Variants in STAU2 observed in about 807,000 individuals in gnomAD.
STAU2 encodes double-stranded RNA-binding protein Staufen homolog 2.
STAU2 carries 20 observed loss-of-function variants against 65.9 expected under a neutral mutation model. The observed-to-expected ratio is 0.30, with a 90% CI of 0.21 to 0.44. STAU2 has a LOEUF of 0.44. Among genes scored for constraint, STAU2 ranks in the 20% least tolerant of loss-of-function variants. The pLI, the probability that STAU2 is intolerant of heterozygous loss-of-function variation, is 1.00. For missense variants in STAU2, 558 were observed against 683.9 expected, an observed-to-expected ratio of 0.82 and a Z score of 2.05; for synonymous variants, 232 against 233.9, an observed-to-expected ratio of 0.99 and a Z score of 0.07.
At chr8:73,507,636 C>G (rs969778486) in intron 13 of STAU2, among the ~76,000 whole-genome samples, 1 of 152,134 alleles carries the variant, frequency 6.6e-6, no homozygotes, top group African/African-American at 2.4e-5. Context: ...GTGCCTTCAC[C>G]GCTAATGAGA....
intron 13 of STAU2, among the ~76,000 whole-genome samples, chr8:73,428,112 G>C (rs1282208979): frequency 1.3e-5 from 2 of 152,106 alleles, no homozygotes; most frequent in East Asian, 3.9e-4. Context: ...TGTACCCTTT[G>C]ACTATCATTT....
chr8:73,542,119 G>C (rs13280757), intron 13 of STAU2, among the ~76,000 whole-genome samples: 1 of 151,878 alleles, frequency 6.6e-6, no homozygotes, highest in Non-Finnish European at 1.5e-5. Flanking sequence ...TCCCAAACTA[G>C]ATTAAAAACA....
chr8:73,518,961 A>G lies in STAU2; in HGVS notation c.1530+33051T>C, dbSNP rs1822892222. Among the ~76,000 whole-genome samples the G allele has an allele frequency of 2.6e-5, 4 of 152,344 alleles. No individual in the cohort carries two copies. In the South Asian group the frequency reaches 8.3e-4, roughly 32 times the overall value. ...TAAAAAAATCAACAAATACGAAAGCACTTTACCAAAGCAAACATTAAAGTT... is the reference window on the plus strand; with the variant it reads ...TAAAAAAATCAACAAATACGAAAGCGCTTTACCAAAGCAAACATTAAAGTT... On this transcript the variant is annotated intron_variant, in intron 13 of 14. Transcript: ENST00000524300.
chr8:73,711,224 G>A (rs78461012), intron 3 of STAU2, among the ~76,000 whole-genome samples: 1,842 of 150,498 alleles, frequency 0.012, 21 homozygotes, highest in Non-Finnish European at 0.016. Context: ...GAGAAAACCT[G>A]CATTTTACCT....
intron 6 of STAU2, among the ~76,000 whole-genome samples, chr8:73,659,931 A>C (rs1044099503): frequency 6.6e-6 from 1 of 152,190 alleles, no homozygotes; most frequent in African/African-American, 2.4e-5. Context: ...AACTTACGGT[A>C]ATTATCTTTT....
chr8:73,507,520 C>A (rs998300263), intron 13 of STAU2, among the ~76,000 whole-genome samples: 5 of 152,156 alleles, frequency 3.3e-5, no homozygotes, highest in African/African-American at 1.2e-4. Context: ...TCAGGCTTTG[C>A]TCTTCCATTT....
intron 9 of STAU2, among the ~76,000 whole-genome samples, chr8:73,610,163 C>A (rs1812338744): frequency 6.6e-6 from 1 of 151,850 alleles, no homozygotes; most frequent in African/African-American, 2.4e-5. Context: ...TGCCTGTAGT[C>A]CCAACTACTT....
At position 73,615,735 on chromosome 8, in the gene STAU2, C is replaced by T. The variant is rs1228007013; in HGVS notation, c.618G>A (p.Lys206=). Residue 206 remains lysine, a synonymous_variant, in exon 8 of 15, where the codon AAG becomes AAA. Transcript: ENST00000524300. ...KDVDDDKDAN[K]SEISLVFEIA... is the part of the protein sequence containing the mutation. ...TTTCAAACACTAAGCTGATCTCAGA[C>T]TTATTTGCATCTTTGTCATCATCCA... 8.1e-6 allele frequency: 13 copies of T among 1,613,682 alleles called. No individual in the cohort carries two copies. The highest frequency in any genetic ancestry group is 1.1e-5 in the Non-Finnish European group (13 of 1,179,944).
chr8:73,666,491 T>C (rs1001776103), intron 6 of STAU2, among the ~76,000 whole-genome samples: 2 of 152,182 alleles, frequency 1.3e-5, no homozygotes, highest in African/African-American at 4.8e-5. Context: ...CAAGAAGCCT[T>C]AAGTAAGTGT....
At chr8:73,509,214 C>T (rs1822243903) in intron 13 of STAU2, among the ~76,000 whole-genome samples, 2 of 152,108 alleles carry the variant, frequency 1.3e-5, no homozygotes, top group South Asian at 2.1e-4. Context: ...GGTATGTTAT[C>T]GTGATTTTAC....
At chr8:73,618,562 A>T (rs1479249848) in intron 6 of STAU2, among the ~76,000 whole-genome samples, 1 of 152,204 alleles carries the variant, frequency 6.6e-6, no homozygotes, top group East Asian at 1.9e-4. Flanking sequence ...TTCCCTACAA[A>T]TTGCTGTAGG....
chr8:73,681,452 A>T (rs1818424720), intron 5 of STAU2, among the ~76,000 whole-genome samples: 1 of 152,162 alleles, frequency 6.6e-6, no homozygotes, highest in Non-Finnish European at 1.5e-5. Flanking sequence ...AGCACTAAAG[A>T]AGTAATAAAA....
intron 10 of STAU2, among the ~76,000 whole-genome samples, chr8:73,603,204 T>A (rs1811771058): frequency 6.6e-6 from 1 of 152,200 alleles, no homozygotes; most frequent in African/African-American, 2.4e-5. Flanking sequence ...GCCAATACAC[T>A]AGCAGCCATT....
intron 12 of STAU2, among the ~76,000 whole-genome samples, chr8:73,559,974 A>C (rs79264524): frequency 0.088 from 13,455 of 152,180 alleles, 1,115 homozygotes; most frequent in East Asian, 0.44. Flanking sequence ...AAAAATAAAA[A>C]AATAGGTAAA....
intron 13 of STAU2, among the ~76,000 whole-genome samples, chr8:73,467,884 ATAATT>A (rs1168011438): frequency 6.6e-6 from 1 of 152,196 alleles, no homozygotes; most frequent in Admixed American, 6.5e-5. Context: ...ACTGCCCAAG[ATAATT>A]TATAGATTCA....
intron 12 of STAU2, among the ~76,000 whole-genome samples, chr8:73,575,128 TAAA>T (rs5892429): frequency 2.7e-4 from 37 of 138,006 alleles, no homozygotes; most frequent in Non-Finnish European, 3.6e-4. Flanking sequence ...TCCTACCAAG[TAAA>T]AAAAAAAAAA....
intron 13 of STAU2, among the ~76,000 whole-genome samples, chr8:73,477,617 A>T (rs1820386286): frequency 6.6e-6 from 1 of 152,184 alleles, no homozygotes; most frequent in South Asian, 2.1e-4. Context: ...TACAGGAAGA[A>T]CAGTTGCCAT....
rs184194255 is a variant in STAU2, at chr8:73,539,144, C to T, written c.1530+12868G>A. On this transcript the variant is annotated intron_variant, in intron 13 of 14. Transcript: ENST00000524300. ...AGATTAAGTGCCTCAGAAAATAAAA[C>T]GCAAAACTATTCAGAGGACTGTAAA... is the stretch of plus-strand genomic sequence containing the variant. Among the ~76,000 whole-genome samples the T allele has an allele frequency of 2.4e-3, 367 of 152,132 alleles. 1 individual carries two copies. The highest frequency in any genetic ancestry group is 4.0e-3 in the Non-Finnish European group (273 of 68,012).
intron 13 of STAU2, among the ~76,000 whole-genome samples, chr8:73,538,579 A>G (rs1806328327): frequency 6.6e-6 from 1 of 151,956 alleles, no homozygotes; most frequent in Non-Finnish European, 1.5e-5. Flanking sequence ...GAAAAAGGGT[A>G]CAGAAAAAAT....
Sources: allele counts gnomAD v4.1 joint callset (sites outside exome capture counted in the v4.1 genomes callset), GRCh38; gene constraint gnomAD v4.1.1; transcripts MANE v1.5; gene names NCBI Gene and HGNC (gene_info 2026-07-23, HGNC 2026-07-21).